The following PCDH9 variants were observed in gnomAD, a reference collection of about 807,000 sequenced individuals.
PCDH9 encodes protocadherin 9.
A neutral mutation model predicts 70.6 loss-of-function variants in PCDH9; 24 were observed. The ratio of observed to expected loss-of-function variants is 0.34; its 90% confidence interval spans 0.25 to 0.48. PCDH9 has a LOEUF of 0.48. Ranked by LOEUF, PCDH9 falls within the 20% of genes least tolerant of loss-of-function variation. The pLI is 0.99. For missense variants in PCDH9, 1,281 were observed against 1,503.6 expected, an observed-to-expected ratio of 0.85 and a Z score of 2.45; for synonymous variants, 562 against 558.5, an observed-to-expected ratio of 1.01 and a Z score of -0.09.
At chr13:67,075,077 C>CAA (rs796693913) in intron 2 of PCDH9, among the ~76,000 whole-genome samples, 8 of 137,790 alleles carry the variant, frequency 5.8e-5, no homozygotes, top group African/African-American at 1.3e-4. Context: ...GTGATAGTGA[C>CAA]AAAAAAAAAA....
intron 4 of PCDH9, among the ~76,000 whole-genome samples, chr13:66,566,176 T>C (rs1440478408): frequency 6.6e-6 from 1 of 152,190 alleles, no homozygotes; most frequent in Non-Finnish European, 1.5e-5. Context: ...TGACTTGTGA[T>C]GTACTTTTCA....
intron 4 of PCDH9, among the ~76,000 whole-genome samples, chr13:66,346,363 G>A (rs944404245): frequency 1.3e-5 from 2 of 152,208 alleles, no homozygotes; most frequent in African/African-American, 2.4e-5. Context: ...GAATTTGTGT[G>A]CATACAGACA....
At chr13:66,775,831 C>T (rs1332682281) in intron 3 of PCDH9, among the ~76,000 whole-genome samples, 3 of 151,964 alleles carry the variant, frequency 2.0e-5, no homozygotes, top group African/African-American at 7.3e-5. Flanking sequence ...ATGTTGACAC[C>T]CCTAACTCCA....
Position 66,452,121 on chromosome 13 carries a change from G to GA in PCDH9, c.3341-147094dup, listed in dbSNP as rs1239420148. ...CAACTTTATCAACTAATATCTGAAAGAAAATTACTTGATAGTATATATAAG... is the reference window on the plus strand; with the variant it reads ...CAACTTTATCAACTAATATCTGAAAGAAAAATTACTTGATAGTATATATAAG... On this transcript the variant is annotated intron_variant, in intron 4 of 4. Transcript: ENST00000377865. Among the ~76,000 whole-genome samples, 8 of 152,226 alleles carry GA rather than the reference G, an allele frequency of 5.3e-5. No individual in the cohort carries two copies. The East Asian group carries it at 1.3e-3, about 26-fold the overall frequency.
chr13:66,845,413 C>T lies in PCDH9; in HGVS notation c.3138+58091G>A, dbSNP rs567179818. Among the ~76,000 whole-genome samples the T allele has an allele frequency of 3.3e-5, 5 of 152,306 alleles. No individual in the cohort carries two copies. The East Asian group carries it at 5.8e-4, about 18-fold the overall frequency. ...CTCACCTTTGCTTTGAGATCTGGCGCGGGAAGCAGGGAGAGGCTAAGCAGC... is the reference window on the plus strand; with the variant it reads ...CTCACCTTTGCTTTGAGATCTGGCGTGGGAAGCAGGGAGAGGCTAAGCAGC... On this transcript the variant is annotated intron_variant, in intron 3 of 4. Coordinates refer to ENST00000377865, the MANE Select transcript of PCDH9 (RefSeq NM_203487.3).
intron 2 of PCDH9, among the ~76,000 whole-genome samples, chr13:66,935,580 A>G (rs2139672664): frequency 6.6e-6 from 1 of 152,324 alleles, no homozygotes; most frequent in South Asian, 2.1e-4. Flanking sequence ...AATGCATAGG[A>G]AAATTTGTGT....
chr13:66,348,653 T>C (rs548427248), intron 4 of PCDH9, among the ~76,000 whole-genome samples: 1 of 146,668 alleles, frequency 6.8e-6, no homozygotes, highest in Admixed American at 7.1e-5. Context: ...ATTTCTCAAG[T>C]GCTTGTATAG....
chr13:66,468,823 C>G (rs758293384), intron 4 of PCDH9, among the ~76,000 whole-genome samples: 5 of 152,002 alleles, frequency 3.3e-5, no homozygotes, highest in Non-Finnish European at 5.9e-5. Flanking sequence ...AGAGAAACTT[C>G]CTAAGCATTC....
chr13:66,816,448 A>C (rs1475320636), intron 3 of PCDH9, among the ~76,000 whole-genome samples: 1 of 151,378 alleles, frequency 6.6e-6, no homozygotes, highest in Non-Finnish European at 1.5e-5. Context: ...CTCTCTCTCC[A>C]CCTCCCCCCA....
chr13:66,805,445 C>T (rs1245593644), intron 3 of PCDH9, among the ~76,000 whole-genome samples: 3 of 152,068 alleles, frequency 2.0e-5, no homozygotes, highest in African/African-American at 7.2e-5. Context: ...AACTTGAAAA[C>T]TAAAATAGGT....
chr13:66,949,860 A>T (rs1482128510), intron 2 of PCDH9, among the ~76,000 whole-genome samples: 1 of 152,072 alleles, frequency 6.6e-6, no homozygotes, highest in Non-Finnish European at 1.5e-5. Context: ...AAATGGGTTA[A>T]ATATATAAAA....
intron 4 of PCDH9, among the ~76,000 whole-genome samples, chr13:66,456,636 A>G (rs112944934): frequency 2.0e-5 from 3 of 152,218 alleles, no homozygotes; most frequent in African/African-American, 7.2e-5. Context: ...CATTTCCCCT[A>G]TGATAAGACT....
chr13:66,981,163 T>G (rs546876951), intron 2 of PCDH9, among the ~76,000 whole-genome samples: 21 of 152,160 alleles, frequency 1.4e-4, no homozygotes, highest in Non-Finnish European at 2.9e-4. Context: ...GGTAGGCCGG[T>G]CGCGGTGGCT....
intron 4 of PCDH9, among the ~76,000 whole-genome samples, chr13:66,608,947 G>A (rs1378307623): frequency 6.6e-6 from 1 of 152,114 alleles, no homozygotes. Flanking sequence ...TTTAGCTAAG[G>A]GACCTCACAC....
At chr13:66,903,867 ATATT>A (rs2082316437) in intron 2 of PCDH9, among the ~76,000 whole-genome samples, 1 of 152,004 alleles carries the variant, frequency 6.6e-6, no homozygotes, top group African/African-American at 2.4e-5. Flanking sequence ...TTTTTAGGCA[ATATT>A]TATTTATTAC....
chr13:66,531,495 C>A (rs1382669574), intron 4 of PCDH9, among the ~76,000 whole-genome samples: 1 of 151,760 alleles, frequency 6.6e-6, no homozygotes, highest in Non-Finnish European at 1.5e-5. Flanking sequence ...ACGAAAGTCT[C>A]AAGAAACAAT....
intron 2 of PCDH9, among the ~76,000 whole-genome samples, chr13:67,060,980 C>A (rs1291483013): frequency 6.6e-6 from 1 of 151,998 alleles, no homozygotes; most frequent in Admixed American, 6.6e-5. Flanking sequence ...TTTTAAAAAT[C>A]ATGATTAAAG....
At chr13:67,110,275 GC>G (rs945943986) in intron 2 of PCDH9, among the ~76,000 whole-genome samples, 5 of 151,882 alleles carry the variant, frequency 3.3e-5, no homozygotes, top group Non-Finnish European at 7.4e-5. Context: ...TGTAATCCCA[GC>G]ACTTTGGGAG....
chr13:66,554,705 G>C (rs568724085), intron 4 of PCDH9, among the ~76,000 whole-genome samples: 160 of 152,054 alleles, frequency 1.1e-3, no homozygotes, highest in African/African-American at 3.7e-3. Flanking sequence ...AGAACTTCTA[G>C]AGCTTCTAAA....
Sources: allele counts gnomAD v4.1 joint callset (sites outside exome capture counted in the v4.1 genomes callset), GRCh38; gene constraint gnomAD v4.1.1; transcripts MANE v1.5; gene names NCBI Gene and HGNC (gene_info 2026-07-23, HGNC 2026-07-21).